LRP1B: variants seen among roughly 807,000 people sequenced by gnomAD.
LRP1B encodes the protein LDL receptor related protein 1B.
In LRP1B, 217 loss-of-function variants were observed where a neutral mutation model predicts 556.6. That is an observed-to-expected ratio of 0.39 (90% CI 0.35 to 0.44). LRP1B has a LOEUF of 0.44. Ranked by LOEUF, LRP1B falls within the 20% of genes least tolerant of loss-of-function variation. The pLI, the probability that LRP1B is intolerant of heterozygous loss-of-function variation, is 1.00. For synonymous variants in LRP1B, 2,047 were observed against 1,865.8 expected (o/e 1.10, Z -2.50); for missense variants, 5,053 against 5,620.8 (o/e 0.90, Z 3.23).
chr2:141,772,544 G>T (rs1346145084), intron 2 of LRP1B, among the ~76,000 whole-genome samples: 1 of 152,154 alleles, frequency 6.6e-6, no homozygotes, highest in African/African-American at 2.4e-5. Flanking sequence ...CTGGGATAGG[G>T]TCCGGCGCTG....
chr2:140,497,178 G>A (rs74615763), intron 55 of LRP1B, among the ~76,000 whole-genome samples: 6,746 of 151,718 alleles, frequency 0.044, 190 homozygotes, highest in Non-Finnish European at 0.047. Context: ...TTAAGCTCTT[G>A]GCACTTTCAT....
At chr2:141,731,620 C>T (rs1693276363) in intron 2 of LRP1B, among the ~76,000 whole-genome samples, 1 of 152,134 alleles carries the variant, frequency 6.6e-6, no homozygotes, top group Admixed American at 6.6e-5. Flanking sequence ...GAAGCACATG[C>T]TATTTCACAG....
chr2:140,852,303 G>A (rs1001392675), intron 27 of LRP1B, among the ~76,000 whole-genome samples: 3 of 152,064 alleles, frequency 2.0e-5, no homozygotes, highest in African/African-American at 7.2e-5. Flanking sequence ...CTCCAACCTG[G>A]GTGACAGAGT....
chr2:141,193,241 C>T (rs1681599135), intron 6 of LRP1B, among the ~76,000 whole-genome samples: 1 of 151,900 alleles, frequency 6.6e-6, no homozygotes, highest in Non-Finnish European at 1.5e-5. Flanking sequence ...TGTATATACC[C>T]AGAGGAATAT....
intron 1 of LRP1B, among the ~76,000 whole-genome samples, chr2:141,818,838 C>T (rs1033031211): frequency 1.3e-5 from 2 of 151,722 alleles, no homozygotes; most frequent in Non-Finnish European, 2.9e-5. Context: ...ACCTGGATAA[C>T]ATTTCTGTAT....
chr2:141,989,383 C>T (rs1449905485), intron 1 of LRP1B, among the ~76,000 whole-genome samples: 1 of 151,924 alleles, frequency 6.6e-6, no homozygotes, highest in African/African-American at 2.4e-5. Flanking sequence ...CAAGGGTCAT[C>T]ATTCACAAGA....
intron 3 of LRP1B, among the ~76,000 whole-genome samples, chr2:141,398,467 A>G (rs1404406059): frequency 6.6e-6 from 1 of 152,156 alleles, no homozygotes; most frequent in Non-Finnish European, 1.5e-5. Context: ...TGATGTTATT[A>G]ATAGCCATAC....
chr2:140,346,808 A>G lies in LRP1B; in HGVS notation c.11892+3989T>C, dbSNP rs1681710358. On this transcript the variant is annotated intron_variant, in intron 77 of 90. Transcript: ENST00000389484. ...TTAAAAATTGAGACCTATTAAGAGT[A>G]ACTTAAATAGATATTTTGCTAAAAG... Among the ~76,000 whole-genome samples the G allele has an allele frequency of 2.0e-5, 3 of 152,092 alleles. No homozygotes were observed. In the South Asian group the frequency reaches 6.2e-4, roughly 32 times the overall value.
intron 77 of LRP1B, among the ~76,000 whole-genome samples, chr2:140,349,899 C>G (rs1379847303): frequency 1.3e-5 from 2 of 152,110 alleles, no homozygotes; most frequent in Non-Finnish European, 2.9e-5. Context: ...CAGCATATTG[C>G]CATCTACTGC....
intron 32 of LRP1B, among the ~76,000 whole-genome samples, chr2:140,809,346 T>C (rs1690838118): frequency 6.6e-6 from 1 of 152,140 alleles, no homozygotes; most frequent in African/African-American, 2.4e-5. Context: ...ATAAAAGATA[T>C]GTCACAAATG....
chr2:142,069,594 T>C (rs1469570699), intron 1 of LRP1B, among the ~76,000 whole-genome samples: 1 of 151,692 alleles, frequency 6.6e-6, no homozygotes, highest in Non-Finnish European at 1.5e-5. Flanking sequence ...ACAAATCTGA[T>C]TTTGCAAATT....
At chr2:141,047,209 A>G (rs1574018029) in intron 11 of LRP1B, among the ~76,000 whole-genome samples, 1 of 152,106 alleles carries the variant, frequency 6.6e-6, no homozygotes, top group South Asian at 2.1e-4. Context: ...TTAAGAGAAA[A>G]GTAGGCAGAC....
intron 32 of LRP1B, among the ~76,000 whole-genome samples, chr2:140,809,232 G>C (rs1418116719): frequency 6.6e-6 from 1 of 151,872 alleles, no homozygotes; most frequent in Non-Finnish European, 1.5e-5. Context: ...AGGTTAGTTT[G>C]CATGGTATTT....
chr2:140,651,382 C>T (rs950499313), intron 41 of LRP1B, among the ~76,000 whole-genome samples: 43 of 145,038 alleles, frequency 3.0e-4, no homozygotes, highest in Middle Eastern at 3.5e-3. Context: ...GGGATAGCAT[C>T]GGGAGATATA....
At chr2:142,091,791 T>C (rs1706182566) in intron 1 of LRP1B, among the ~76,000 whole-genome samples, 1 of 152,142 alleles carries the variant, frequency 6.6e-6, no homozygotes, top group African/African-American at 2.4e-5. Flanking sequence ...TTCCAGAAAT[T>C]CTCTTTTTAG....
chr2:141,365,648 T>A (rs1292488854), intron 3 of LRP1B, among the ~76,000 whole-genome samples: 2 of 144,940 alleles, frequency 1.4e-5, no homozygotes, highest in African/African-American at 5.1e-5. Context: ...TTGGTTTGTT[T>A]TTGTTGCTTT....
chr2:141,648,417 T>C (rs1689662361), intron 2 of LRP1B, among the ~76,000 whole-genome samples: 1 of 152,226 alleles, frequency 6.6e-6, no homozygotes, highest in African/African-American at 2.4e-5. Flanking sequence ...CAAGTACAAG[T>C]ATCATCTCTC....
At chr2:141,598,538 T>A (rs976994112) in intron 2 of LRP1B, among the ~76,000 whole-genome samples, 2 of 152,272 alleles carry the variant, frequency 1.3e-5, no homozygotes, top group South Asian at 2.1e-4. Flanking sequence ...TTGGTATTCA[T>A]TGAATACAAT....
At chr2:141,657,399 T>C (rs944827021) in intron 2 of LRP1B, among the ~76,000 whole-genome samples, 1 of 152,144 alleles carries the variant, frequency 6.6e-6, no homozygotes. Flanking sequence ...GCTATAAATG[T>C]AGTTTAACTC....
Sources: allele counts gnomAD v4.1 joint callset (sites outside exome capture counted in the v4.1 genomes callset), GRCh38; gene constraint gnomAD v4.1.1; transcripts MANE v1.5; gene names NCBI Gene and HGNC (gene_info 2026-07-23, HGNC 2026-07-21).